GAP43: variants seen among roughly 807,000 people sequenced by gnomAD.
The protein encoded by GAP43 is neuromodulin.
In GAP43, 6 loss-of-function variants were observed where a neutral mutation model predicts 18.6. That is an observed-to-expected ratio of 0.32 (90% confidence interval 0.18 to 0.64). The LOEUF (loss-of-function observed/expected upper bound fraction) is 0.64. GAP43 is among the 30% of genes least tolerant of loss of function. The pLI is 0.78. For synonymous variants in GAP43, 115 were observed against 111.4 expected (o/e 1.03, Z -0.20); for missense variants, 292 against 295.5 (o/e 0.99, Z 0.09).
Position 115,644,626 on chromosome 3 carries a change from C to T in GAP43, c.30+20907C>T, listed in dbSNP as rs1033643360. ...ATGGTTACTGAGTATGCTGTGAATC[C>T]ACATAGTTGTGGTTGTAGCTAAAAT... On this transcript the variant is annotated intron_variant, in intron 1 of 2. Coordinates refer to ENST00000305124, the MANE Select transcript of GAP43 (RefSeq NM_002045.4). The surrounding 1 kb of genome is among the most constrained non-coding windows in gnomAD (Gnocchi z 4.2). 2.0e-5 allele frequency among the ~76,000 whole-genome samples: 3 copies of T among 151,992 alleles called. No individual in the cohort carries two copies. Among genetic ancestry groups the T allele is most frequent in the Non-Finnish European group, 2.9e-5 (2 of 67,966 alleles).
chr3:115,625,869 C>T (rs867646737), intron 1 of GAP43, among the ~76,000 whole-genome samples: 2 of 152,276 alleles, frequency 1.3e-5, no homozygotes, highest in Middle Eastern at 6.8e-3. Context: ...TAAGTGGTTT[C>T]CACATGCCTC....
chr3:115,652,024 A>T (rs1432870830), intron 1 of GAP43, among the ~76,000 whole-genome samples: 1 of 151,924 alleles, frequency 6.6e-6, no homozygotes, highest in Non-Finnish European at 1.5e-5. Flanking sequence ...TTCCACCTTC[A>T]TAGCTTCAAC....
chr3:115,717,059 T>C (rs1468764563), intron 2 of GAP43, among the ~76,000 whole-genome samples: 3 of 151,906 alleles, frequency 2.0e-5, no homozygotes, highest in Non-Finnish European at 4.4e-5. Flanking sequence ...AAGCAAGTCA[T>C]ATGATTTAGG....
chr3:115,712,287 C>G (rs1472731532), intron 2 of GAP43, among the ~76,000 whole-genome samples: 1 of 152,142 alleles, frequency 6.6e-6, no homozygotes, highest in Non-Finnish European at 1.5e-5. Context: ...GTAGTGCTCT[C>G]TAATTAATTA....
At chr3:115,709,808 A>G (rs1017406638) in intron 2 of GAP43, among the ~76,000 whole-genome samples, 1 of 151,264 alleles carries the variant, frequency 6.6e-6, no homozygotes, top group Non-Finnish European at 1.5e-5. Context: ...TGGCATTCTT[A>G]ATTTTTACTG....
chr3:115,668,477 T>A (rs886095236), intron 1 of GAP43, among the ~76,000 whole-genome samples: 1 of 152,120 alleles, frequency 6.6e-6, no homozygotes, highest in Non-Finnish European at 1.5e-5. Flanking sequence ...CAGGCTGGAG[T>A]GCAATGGTGT....
At chr3:115,637,997 A>G (rs563174469) in intron 1 of GAP43, among the ~76,000 whole-genome samples, 8 of 152,164 alleles carry the variant, frequency 5.3e-5, no homozygotes, top group African/African-American at 1.7e-4. Context: ...AGATGAGGGC[A>G]TAGTAAAAAT....
At chr3:115,719,824 G>A (rs1490686355) in intron 2 of GAP43, among the ~76,000 whole-genome samples, 1 of 152,188 alleles carries the variant, frequency 6.6e-6, no homozygotes, top group East Asian at 1.9e-4. Flanking sequence ...ACAGGGAGTT[G>A]ATTGTTTGGC....
At chr3:115,675,959 A>G in intron 1 of GAP43, 54 bp from the exon 2 acceptor site, 1 of 1,537,718 alleles carries the variant, frequency 6.5e-7, no homozygotes, top group Non-Finnish European at 8.7e-7. Context: ...GCTGAGATTT[A>G]AAGGAGAAGA....
In GAP43 at chr3:115,704,867, G is replaced by A. The variant is rs183571606; in HGVS notation, c.629-15927G>A. Among the ~76,000 whole-genome samples, 13 of 152,216 alleles carry A rather than the reference G, an allele frequency of 8.5e-5. No homozygotes were observed. In the East Asian group the frequency reaches 2.5e-3, roughly 29 times the overall value. ...CATAGAGAATAAGGAACTGAAATCA[G>A]ATCATCTCTAAGGTCTCCTTCAGCT... On this transcript the variant is annotated intron_variant, in intron 2 of 2. Transcript: ENST00000305124.
chr3:115,692,853 A>AT (rs1709131283), intron 2 of GAP43, among the ~76,000 whole-genome samples: 1 of 152,236 alleles, frequency 6.6e-6, no homozygotes, highest in Non-Finnish European at 1.5e-5. Flanking sequence ...TTATTTCAGC[A>AT]TACCTGTTAA....
intron 2 of GAP43, among the ~76,000 whole-genome samples, chr3:115,696,389 A>G (rs1474003862): frequency 6.6e-6 from 1 of 151,952 alleles, no homozygotes; most frequent in Non-Finnish European, 1.5e-5. Flanking sequence ...TTCAACATAT[A>G]TCCAGAATCT....
In GAP43 at chr3:115,639,809, C is replaced by T. The variant is rs182737833; in HGVS notation, c.30+16090C>T. ...ACACAAAAATATAATTCCTGGGGGA[C>T]GGATCTGGGAAGGAATGGGCTTCCC... On this transcript the variant is annotated intron_variant, in intron 1 of 2. Coordinates refer to ENST00000305124, the MANE Select transcript of GAP43 (RefSeq NM_002045.4). Among the ~76,000 whole-genome samples the T allele has an allele frequency of 2.4e-4, 37 of 152,062 alleles. 1 individual carries two copies. Among genetic ancestry groups the T allele is most frequent in the Non-Finnish European group, 4.3e-4 (29 of 67,946 alleles).
intron 2 of GAP43, among the ~76,000 whole-genome samples, chr3:115,708,307 A>C (rs2107373349): frequency 6.6e-6 from 1 of 152,330 alleles, no homozygotes. Flanking sequence ...AATGTAGTTG[A>C]GCTGGGTCAT....
intron 2 of GAP43, among the ~76,000 whole-genome samples, chr3:115,714,898 T>G (rs937068465): frequency 5.7e-5 from 8 of 141,342 alleles, no homozygotes; most frequent in Admixed American, 1.4e-4. Context: ...CACACACACA[T>G]ACAGCCCGAG....
intron 1 of GAP43, among the ~76,000 whole-genome samples, chr3:115,655,828 T>C (rs537819451): frequency 6.6e-6 from 1 of 152,356 alleles, no homozygotes; most frequent in South Asian, 2.1e-4. Flanking sequence ...TATGCTTCTA[T>C]AATTCCACAC....
At position 115,676,529 on chromosome 3, in the gene GAP43, G is replaced by A; in HGVS notation, c.547G>A (p.Ala183Thr). The A allele has an allele frequency of 1.2e-6, 2 of 1,613,698 alleles. No homozygotes were observed. The highest frequency in any genetic ancestry group is 1.7e-6 in the Non-Finnish European group (2 of 1,179,998). ...AVTAAAATTPAAEDAAAKATA... is the reference protein window; with the variant it reads ...AVTAAAATTPTAEDAAAKATA... Reference sequence around the variant, plus strand: ...CACTGCTGCTGCTGCCACCACCCCTGCCGCAGAGGATGCTGCTGCCAAGGC... The same window carrying A: ...CACTGCTGCTGCTGCCACCACCCCTACCGCAGAGGATGCTGCTGCCAAGGC... Residue 183 changes from alanine to threonine, a missense_variant, in exon 2 of 3, where the codon GCC (alanine) becomes ACC (threonine). Coordinates refer to ENST00000305124, the MANE Select transcript of GAP43 (RefSeq NM_002045.4).
intron 1 of GAP43, among the ~76,000 whole-genome samples, chr3:115,640,152 C>T (rs1289342738): frequency 6.6e-6 from 1 of 151,352 alleles, no homozygotes; most frequent in East Asian, 1.9e-4. Context: ...TTAGGAAGGA[C>T]CAAAAGAATA....
At chr3:115,707,427 T>C (rs824358) in intron 2 of GAP43, among the ~76,000 whole-genome samples, 151,141 of 152,206 alleles carry the variant, frequency 0.99, 75,059 homozygotes, top group East Asian at 1. Context: ...GTAGCTGGGA[T>C]GACAGGTACA....
Sources: allele counts gnomAD v4.1 joint callset (sites outside exome capture counted in the v4.1 genomes callset), GRCh38; gene constraint gnomAD v4.1.1; non-coding constraint Gnocchi (gnomAD v3.1); transcripts MANE v1.5; gene names NCBI Gene and HGNC (gene_info 2026-07-23, HGNC 2026-07-21).